The following GPR149 variants were observed in gnomAD, a reference collection of about 807,000 sequenced individuals.
GPR149 encodes G protein-coupled receptor 149, also known as probable G protein-coupled receptor 149.
GPR149 carries 50 observed loss-of-function variants against 50.2 expected under a neutral mutation model. The ratio of observed to expected loss-of-function variants is 1.00; its 90% CI spans 0.79 to 1.26. GPR149 has a LOEUF of 1.26. GPR149 is among the 50% of genes most tolerant of loss of function. The pLI, the probability that GPR149 is intolerant of heterozygous loss-of-function variation, is 0.00. For missense variants in GPR149, 983 were observed against 895.4 expected (o/e 1.10, Z -1.25); for synonymous variants, 405 against 358.2 (o/e 1.13, Z -1.48).
chr3:154,405,120 G>T (rs901533991), intron 3 of GPR149, among the ~76,000 whole-genome samples: 7 of 152,124 alleles, frequency 4.6e-5, no homozygotes, highest in Non-Finnish European at 1.0e-4. Context: ...CAGATGATAT[G>T]ATATTATACT....
chr3:154,361,432 CTGAT>C (rs1164972648), intron 3 of GPR149, among the ~76,000 whole-genome samples: 1 of 152,084 alleles, frequency 6.6e-6, no homozygotes, highest in Non-Finnish European at 1.5e-5. Flanking sequence ...TCTTTGTAAC[CTGAT>C]TGATAGTGCT....
intron 3 of GPR149, 76 bp downstream of exon 3, chr3:154,420,960 AAAC>A (rs1232548567): frequency 1.9e-6 from 2 of 1,048,894 alleles, no homozygotes; most frequent in African/African-American, 3.2e-5. Context: ...TGAATAAAAC[AAAC>A]AACTGATAAT....
Position 154,428,099 on chromosome 3 carries a change from G to A in GPR149, c.982-391C>T, listed in dbSNP as rs148256930. 7.9e-5 allele frequency among the ~76,000 whole-genome samples: 12 copies of A among 152,218 alleles called. No homozygotes were observed. In the East Asian group the frequency reaches 1.4e-3, roughly 17 times the overall value. On this transcript the variant is annotated intron_variant, in intron 1 of 3. Transcript: ENST00000389740. ...CCATGCGCGCTCGTCACAGTGGGGC[G>A]CCACTCTGCCACCTCTTAATCGGCT...
At chr3:154,352,618 C>T (rs1559971570) in intron 3 of GPR149, 11 of 777,634 alleles carry the variant, frequency 1.4e-5, no homozygotes, top group Non-Finnish European at 2.6e-5. Flanking sequence ...TGGTTCAAAA[C>T]TTGATGCACC....
chr3:154,339,923 G>T (rs1713750447), intron 3 of GPR149, among the ~76,000 whole-genome samples: 2 of 151,274 alleles, frequency 1.3e-5, no homozygotes, highest in Admixed American at 6.6e-5. Context: ...CCGAGTAGCT[G>T]GGACTACAGG....
intron 3 of GPR149, among the ~76,000 whole-genome samples, chr3:154,405,791 C>T (rs1711670931): frequency 6.6e-6 from 1 of 151,358 alleles, no homozygotes; most frequent in South Asian, 2.1e-4. Context: ...TCCAAATGGA[C>T]CTGGGATCAA....
chr3:154,429,650 G>T lies in GPR149; in HGVS notation c.-35C>A. 1 of 1,561,820 alleles carries T rather than the reference G, an allele frequency of 6.4e-7. No individual in the cohort carries two copies. Among genetic ancestry groups the T allele is most frequent in the Non-Finnish European group, 8.7e-7 (1 of 1,146,442 alleles). ...TCAATATTTAATTTCCCTTATCAATGAGTCTGATAATTTTCTCAAAAGAAA... is the reference window on the plus strand; with the variant it reads ...TCAATATTTAATTTCCCTTATCAATTAGTCTGATAATTTTCTCAAAAGAAA... On this transcript the variant is annotated 5_prime_UTR_variant, in exon 1 of 4. It introduces an in-frame stop codon into an upstream open reading frame of the 5' UTR. Coordinates refer to ENST00000389740, the MANE Select transcript of GPR149 (RefSeq NM_001038705.3).
intron 2 of GPR149, among the ~76,000 whole-genome samples, chr3:154,422,250 A>G (rs1233588171): frequency 6.6e-6 from 1 of 151,664 alleles, no homozygotes; most frequent in Non-Finnish European, 1.5e-5. Flanking sequence ...TAATAATTAT[A>G]GTACTATTAG....
intron 3 of GPR149, among the ~76,000 whole-genome samples, chr3:154,364,711 C>T (rs1714489844): frequency 6.6e-6 from 1 of 152,252 alleles, no homozygotes; most frequent in South Asian, 2.1e-4. Flanking sequence ...GCTCTATCTC[C>T]TGTCTTACGG....
chr3:154,380,316 C>T (rs903615802), intron 3 of GPR149, among the ~76,000 whole-genome samples: 6 of 152,062 alleles, frequency 3.9e-5, no homozygotes, highest in Admixed American at 1.3e-4. Context: ...TGCATTGTAT[C>T]GCACAGCAGA....
intron 1 of GPR149, 30 bp downstream of exon 1, chr3:154,428,605 C>T (rs770850023): frequency 5.1e-5 from 81 of 1,594,578 alleles, no homozygotes; most frequent in Non-Finnish European, 6.8e-5. Context: ...GGCACACACA[C>T]TCGCGCTTTG....
chr3:154,342,949 C>T (rs1451104451), intron 3 of GPR149, among the ~76,000 whole-genome samples: 1 of 152,156 alleles, frequency 6.6e-6, no homozygotes, highest in Non-Finnish European at 1.5e-5. Flanking sequence ...TATTTCAGCA[C>T]TTTTGTAAGC....
At chr3:154,374,169 C>CTCTTCT (rs1714735695) in intron 3 of GPR149, among the ~76,000 whole-genome samples, 1 of 103,174 alleles carries the variant, frequency 9.7e-6, no homozygotes, top group African/African-American at 3.9e-5. Flanking sequence ...CTTTTCTTTT[C>CTCTTCT]TTTTTTTTTT....
chr3:154,371,848 C>T (rs1351699271), intron 3 of GPR149, among the ~76,000 whole-genome samples: 2 of 152,156 alleles, frequency 1.3e-5, no homozygotes, highest in Non-Finnish European at 2.9e-5. Flanking sequence ...CGACAGCCAT[C>T]CTACTCGTTT....
intron 3 of GPR149, among the ~76,000 whole-genome samples, chr3:154,339,677 C>T (rs150186959): frequency 3.3e-5 from 5 of 150,826 alleles, no homozygotes; most frequent in South Asian, 2.1e-4. Context: ...AGTGGCTAGA[C>T]GAAGACAGGT....
At chr3:154,349,526 C>T (rs1714017652) in intron 3 of GPR149, among the ~76,000 whole-genome samples, 1 of 152,176 alleles carries the variant, frequency 6.6e-6, no homozygotes, top group Admixed American at 6.5e-5. Flanking sequence ...AAACAAACTA[C>T]TACAATGTGC....
chr3:154,351,221 C>G (rs1166878586), intron 3 of GPR149, among the ~76,000 whole-genome samples: 1 of 145,632 alleles, frequency 6.9e-6, no homozygotes, highest in Non-Finnish European at 1.5e-5. Context: ...CAAATATACC[C>G]AACTGACTTT....
intron 3 of GPR149, among the ~76,000 whole-genome samples, chr3:154,388,301 C>T (rs1025899480): frequency 6.6e-6 from 1 of 151,724 alleles, no homozygotes; most frequent in African/African-American, 2.4e-5. Flanking sequence ...TATATATATA[C>T]ACATATATAT....
intron 3 of GPR149, among the ~76,000 whole-genome samples, chr3:154,413,486 G>A (rs1308609385): frequency 6.6e-6 from 1 of 151,864 alleles, no homozygotes. Flanking sequence ...ACCAAAAAGT[G>A]GGCTAAGGAT....
Sources: allele counts gnomAD v4.1 joint callset (sites outside exome capture counted in the v4.1 genomes callset), GRCh38; gene constraint gnomAD v4.1.1; transcripts MANE v1.5; gene names NCBI Gene and HGNC (gene_info 2026-07-23, HGNC 2026-07-21).